The following KALRN variants were observed in gnomAD, a reference collection of about 807,000 sequenced individuals.
The protein encoded by KALRN is kalirin.
In KALRN, 70 loss-of-function variants were observed where a neutral mutation model predicts 353.7. That is an observed-to-expected ratio of 0.20 (90% confidence interval 0.16 to 0.24). The LOEUF (loss-of-function observed/expected upper bound fraction) is 0.24, where lower values mean the gene tolerates loss of function less well. KALRN is among the 10% of genes least tolerant of loss of function. The pLI is 1.00. For missense variants in KALRN, 2,791 were observed against 3,756.7 expected, an observed-to-expected ratio of 0.74 and a Z score of 6.72; for synonymous variants, 1,391 against 1,434.8, an observed-to-expected ratio of 0.97 and a Z score of 0.69.
At chr3:124,702,255 C>T (rs1455668699) in intron 57 of KALRN, 139 bp downstream of exon 57, 4 of 512,764 alleles carry the variant, frequency 7.8e-6, no homozygotes, top group African/African-American at 1.9e-5. Context: ...CTAAAATATT[C>T]GTTTGTATTT....
At chr3:124,613,046 T>G (rs1427743841) in intron 34 of KALRN, among the ~76,000 whole-genome samples, 2 of 152,188 alleles carry the variant, frequency 1.3e-5, no homozygotes, top group East Asian at 1.9e-4. Flanking sequence ...CTGGTGACAT[T>G]CCATACCAAT....
At chr3:124,590,750 C>G (rs2075689115) in intron 34 of KALRN, among the ~76,000 whole-genome samples, 1 of 152,002 alleles carries the variant, frequency 6.6e-6, no homozygotes, top group South Asian at 2.1e-4. Flanking sequence ...TGAAGGAAGG[C>G]TCTGGAAAAG....
At position 124,214,690 on chromosome 3, in the gene KALRN, T is replaced by C. The variant is rs929327908; in HGVS notation, c.74-13300T>C. Among the ~76,000 whole-genome samples, 7 of 152,306 alleles carry C rather than the reference T, an allele frequency of 4.6e-5. No homozygotes were observed. In the South Asian group the frequency reaches 1.5e-3, roughly 32 times the overall value. On this transcript the variant is annotated intron_variant, in intron 1 of 59. Transcript: ENST00000682506. ...GCAACCTGGGGACATTTATTCTACATGTAGCAAGCAGATTTTAGGATCCAA... is the reference window on the plus strand; with the variant it reads ...GCAACCTGGGGACATTTATTCTACACGTAGCAAGCAGATTTTAGGATCCAA...
intron 1 of KALRN, among the ~76,000 whole-genome samples, chr3:124,108,071 G>A (rs1578133253): frequency 6.6e-6 from 1 of 152,186 alleles, no homozygotes; most frequent in East Asian, 1.9e-4. Context: ...ACATATATGT[G>A]TATACTGTCT....
Position 124,649,910 on chromosome 3 carries a change from G to C in KALRN, c.5665-898G>C, listed in dbSNP as rs192966444. ...AGACTGAAGCGGGAAGATCACTTGAGCCCAGGAGTTCAAGACCAGCCTGGG... is the reference window on the plus strand; with the variant it reads ...AGACTGAAGCGGGAAGATCACTTGACCCCAGGAGTTCAAGACCAGCCTGGG... On this transcript the variant is annotated intron_variant, in intron 37 of 59. Transcript: ENST00000682506. Among the ~76,000 whole-genome samples the C allele has an allele frequency of 7.7e-3, 1,156 of 150,726 alleles. 14 individuals are homozygous for C. Among genetic ancestry groups the C allele is most frequent in the African/African-American group, 0.025 (1,022 of 41,072 alleles).
intron 1 of KALRN, among the ~76,000 whole-genome samples, chr3:124,069,107 C>G (rs1341836622): frequency 6.6e-6 from 1 of 152,060 alleles, no homozygotes; most frequent in East Asian, 1.9e-4. Flanking sequence ...AGCATTTTCA[C>G]AAATATCTCA....
chr3:124,567,728 T>A (rs1428792454), intron 34 of KALRN, among the ~76,000 whole-genome samples: 1 of 152,156 alleles, frequency 6.6e-6, no homozygotes, highest in Non-Finnish European at 1.5e-5. Flanking sequence ...AAAATACTGA[T>A]GCCTCATATC....
At chr3:124,536,072 G>A (rs570173497) in intron 33 of KALRN, among the ~76,000 whole-genome samples, 1 of 152,234 alleles carries the variant, frequency 6.6e-6, no homozygotes, top group East Asian at 1.9e-4. Context: ...GGGAACCAGG[G>A]AAATGTAGTC....
chr3:124,554,085 G>A (rs546729158), intron 33 of KALRN, among the ~76,000 whole-genome samples: 8 of 152,378 alleles, frequency 5.3e-5, no homozygotes, highest in Admixed American at 3.9e-4. Flanking sequence ...GCCAGGCACC[G>A]TGGCTTACGC....
At chr3:124,641,007 T>G (rs577029921) in intron 37 of KALRN, among the ~76,000 whole-genome samples, 1 of 152,112 alleles carries the variant, frequency 6.6e-6, no homozygotes. Flanking sequence ...GAATTCTGCT[T>G]TAGAATTCGT....
In KALRN at chr3:124,675,446, C is replaced by G. The variant is rs144457502; in HGVS notation, c.7193+832C>G. 6 of 151,320 alleles carry G rather than the reference C, an allele frequency of 4.0e-5. No individual in the cohort carries two copies. In the East Asian group the frequency reaches 1.2e-3, roughly 29 times the overall value. 9.4% of individuals were successfully genotyped at this position (151,320 alleles called of 1,614,324 possible). On this transcript the variant is annotated intron_variant, in intron 49 of 59. Transcript: ENST00000682506. ...TAATGAAGTTAAAGACTAGTTGACC[C>G]TTTTTCCCCTGTTTCACTATTCTTG...
chr3:124,080,776 C>T (rs2060500256), intron 1 of KALRN, among the ~76,000 whole-genome samples: 1 of 151,998 alleles, frequency 6.6e-6, no homozygotes, highest in African/African-American at 2.4e-5. Context: ...TTAATTTTGA[C>T]CTAGTGTTCG....
intron 34 of KALRN, among the ~76,000 whole-genome samples, chr3:124,609,009 G>A (rs1312143488): frequency 6.6e-6 from 1 of 152,298 alleles, no homozygotes; most frequent in East Asian, 1.9e-4. Context: ...AGGCAGCCTG[G>A]AACTCTGAGA....
chr3:124,657,688 T>C (rs377109889), intron 40 of KALRN, 46 bp from the exon 41 acceptor site: 1 of 1,468,642 alleles, frequency 6.8e-7, no homozygotes, highest in Non-Finnish European at 9.5e-7. Flanking sequence ...AATAATACAG[T>C]TCTGAATAAT....
At position 124,657,783 on chromosome 3, in the gene KALRN, G is replaced by A. The variant is rs1303884980; in HGVS notation, c.6016G>A (p.Ala2006Thr). ...GTGTATCCAGGAGCAAGACAGATTG[G>A]CACAGCTCTTTATTAAGCACGTGAG... ...EKCIQEQDRL[A>T]QLFIKHERKL... Residue 2006 changes from alanine (A) to threonine (T), a missense_variant, in exon 41 of 60, where the codon GCA (alanine) becomes ACA (threonine). This residue lies in a region of KALRN where 1,065 missense variants were observed against 1,156.4 expected (regional missense o/e 0.92). Coordinates refer to ENST00000682506, the MANE Select transcript of KALRN (RefSeq NM_001388419.1). The A allele has an allele frequency of 6.2e-7, 1 of 1,613,220 alleles. No individual in the cohort carries two copies. The highest frequency in any genetic ancestry group is 8.5e-7 in the Non-Finnish European group (1 of 1,179,178).
At chr3:124,570,227 G>C (rs192414347) in intron 34 of KALRN, among the ~76,000 whole-genome samples, 7 of 152,320 alleles carry the variant, frequency 4.6e-5, no homozygotes, top group Non-Finnish European at 1.0e-4. Context: ...AAAATAATTA[G>C]AGGATGAATA....
intron 1 of KALRN, among the ~76,000 whole-genome samples, chr3:124,197,898 C>T (rs537063888): frequency 2.6e-5 from 4 of 152,290 alleles, no homozygotes; most frequent in Admixed American, 1.3e-4. Context: ...AGCTGCTCTC[C>T]GATGGTTTCC....
chr3:124,678,422 T>C (rs1249244518), intron 50 of KALRN, 109 bp downstream of exon 50: 5 of 1,238,140 alleles, frequency 4.0e-6, no homozygotes, highest in Non-Finnish European at 5.7e-6. Context: ...TTTCCCAGTA[T>C]GGGTACCAGA....
At chr3:124,592,309 C>CGAAAAA (rs1561364753) in intron 34 of KALRN, among the ~76,000 whole-genome samples, 2 of 120,648 alleles carry the variant, frequency 1.7e-5, no homozygotes, top group East Asian at 2.4e-4. Context: ...CTCAAAGAAA[C>CGAAAAA]AAAAAAAAAA....
Sources: gnomAD v4.1 joint callset for allele counts (sites outside exome capture counted in the v4.1 genomes callset) on GRCh38, gnomAD v4.1.1 for gene constraint, gnomAD v4.1.1 regional missense constraint, MANE v1.5 for transcripts, NCBI Gene and HGNC (gene_info 2026-07-23, HGNC 2026-07-21) for gene names.